ZC3H12B: variants seen among roughly 807,000 people sequenced by gnomAD.
The protein encoded by ZC3H12B is probable ribonuclease ZC3H12B.
In ZC3H12B, 7 loss-of-function variants were observed where a neutral mutation model predicts 43.9. The observed-to-expected ratio is 0.16, with a 90% CI of 0.09 to 0.30. ZC3H12B has a LOEUF of 0.30. ZC3H12B is among the 10% of genes least tolerant of loss of function. The pLI is 1.00. For missense variants in ZC3H12B, 475 were observed against 670.2 expected, an observed-to-expected ratio of 0.71 and a Z score of 3.22; for synonymous variants, 222 against 241.7, an observed-to-expected ratio of 0.92 and a Z score of 0.76.
chrX:65,061,864 T>A, the ZC3H12B span, among the ~76,000 whole-genome samples: 1 of 112,671 alleles, frequency 8.9e-6, no homozygotes, highest in East Asian at 2.8e-4. Context: ...CCATTCTAAC[T>A]GGCATGAGAT....
chrX:65,460,632 G>A (rs1316273694), intron 3 of ZC3H12B, among the ~76,000 whole-genome samples: 3 of 111,978 alleles, frequency 2.7e-5, no homozygotes, highest in Admixed American at 1.9e-4. Context: ...TGAATAAATG[G>A]TGCTGGGAAA....
the ZC3H12B span, among the ~76,000 whole-genome samples, chrX:65,212,532 TATA>T: frequency 2.7e-5 from 2 of 74,614 alleles, no homozygotes; most frequent in Non-Finnish European, 4.6e-5. Context: ...TTATATTACA[TATA>T]ATGTATATTT....
At chrX:65,221,788 C>T in the ZC3H12B span, among the ~76,000 whole-genome samples, 3 of 110,917 alleles carry the variant, frequency 2.7e-5, no homozygotes, top group Non-Finnish European at 5.7e-5. Flanking sequence ...GGTGCAAGTC[C>T]TGTTGACAAT....
chrX:65,342,837 CAAAAAA>C, the ZC3H12B span, among the ~76,000 whole-genome samples: 3 of 55,568 alleles, frequency 5.4e-5, no homozygotes, highest in African/African-American at 1.4e-4. Context: ...GAGACTGAGA[CAAAAAA>C]AAAAAAAAAA....
chrX:65,178,808 TGGTG>T, the ZC3H12B span, among the ~76,000 whole-genome samples: 2 of 111,977 alleles, frequency 1.8e-5, no homozygotes, highest in African/African-American at 6.5e-5. Context: ...TTTACACTGT[TGGTG>T]GGAGTGTAAA....
At chrX:65,387,577 G>T (rs1330270736) in intron 2 of ZC3H12B, among the ~76,000 whole-genome samples, 4 of 112,020 alleles carry the variant, frequency 3.6e-5, no homozygotes, top group African/African-American at 1.3e-4. Context: ...ACACTGACTG[G>T]TCTTGACTCT....
chrX:65,150,434 C>T, the ZC3H12B span, among the ~76,000 whole-genome samples: 2 of 109,718 alleles, frequency 1.8e-5, no homozygotes, highest in Non-Finnish European at 3.8e-5. Flanking sequence ...GTTACATATT[C>T]GTGTGCCATG....
chrX:65,184,916 A>T, the ZC3H12B span: 7 of 111,587 alleles, frequency 6.3e-5, no homozygotes, highest in Non-Finnish European at 1.3e-4. Flanking sequence ...GTACTGAGTG[A>T]TGTTTTCATA....
At chrX:65,423,522 G>T (rs1211371683) in intron 3 of ZC3H12B, among the ~76,000 whole-genome samples, 3 of 112,037 alleles carry the variant, frequency 2.7e-5, no homozygotes, top group Non-Finnish European at 5.6e-5. Flanking sequence ...AGCATCTGTT[G>T]TTTCCAGACT....
At chrX:65,230,278 T>G in the ZC3H12B span, among the ~76,000 whole-genome samples, 1 of 109,913 alleles carries the variant, frequency 9.1e-6, no homozygotes, top group Admixed American at 9.8e-5. Flanking sequence ...AGTAAACTAT[T>G]GCAAGAACGA....
At chrX:65,209,677 G>T in the ZC3H12B span, among the ~76,000 whole-genome samples, 1 of 110,090 alleles carries the variant, frequency 9.1e-6, no homozygotes, top group Non-Finnish European at 1.9e-5. Context: ...TGGAGAGTTC[G>T]CTACAGTAAC....
the ZC3H12B span, among the ~76,000 whole-genome samples, chrX:65,245,203 A>G: frequency 6.3e-5 from 7 of 111,877 alleles, no homozygotes; most frequent in Non-Finnish European, 1.1e-4. Context: ...GGAGAAATTG[A>G]GTCCCTGAAC....
At chrX:65,407,399 C>T (rs2066843742) in intron 3 of ZC3H12B, among the ~76,000 whole-genome samples, 1 of 112,831 alleles carries the variant, frequency 8.9e-6, no homozygotes. Context: ...TCCGGCGCGC[C>T]CTCCGCACTT....
At chrX:65,333,210 G>C in the ZC3H12B span, among the ~76,000 whole-genome samples, 1 of 109,094 alleles carries the variant, frequency 9.2e-6, no homozygotes, top group African/African-American at 3.3e-5. Context: ...TTTACCAAGG[G>C]GCTTTTATTG....
chrX:65,130,744 A>G, the ZC3H12B span, among the ~76,000 whole-genome samples: 1 of 111,873 alleles, frequency 8.9e-6, no homozygotes, highest in Non-Finnish European at 1.9e-5. Context: ...TCCAAGAACC[A>G]TTTGCCTTGT....
At chrX:65,107,112 G>T in the ZC3H12B span, among the ~76,000 whole-genome samples, 172 of 111,305 alleles carry the variant, frequency 1.5e-3, 2 homozygotes, top group African/African-American at 5.5e-3. Flanking sequence ...ATCACCTGGG[G>T]AGTATGTTAA....
the ZC3H12B span, among the ~76,000 whole-genome samples, chrX:65,187,983 A>T: frequency 9.0e-6 from 1 of 111,102 alleles, no homozygotes; most frequent in Non-Finnish European, 1.9e-5. Flanking sequence ...TTTGGTAACC[A>T]TCATTCTACT....
At chrX:65,482,495 T>G (rs1407750415) in intron 3 of ZC3H12B, among the ~76,000 whole-genome samples, 1 of 112,224 alleles carries the variant, frequency 8.9e-6, no homozygotes, top group Non-Finnish European at 1.9e-5. Context: ...ATGTAGCTTC[T>G]CTGCATGAAT....
chrX:65,285,112 T>TATG, the ZC3H12B span, among the ~76,000 whole-genome samples: 1 of 108,959 alleles, frequency 9.2e-6, no homozygotes, highest in African/African-American at 3.3e-5. Flanking sequence ...AGAGAATAAT[T>TATG]ATTATTATTA....
Sources: gnomAD v4.1 joint callset for allele counts (sites outside exome capture counted in the v4.1 genomes callset) on GRCh38, gnomAD v4.1.1 for gene constraint, MANE v1.5 for transcripts, NCBI Gene and HGNC (gene_info 2026-07-23, HGNC 2026-07-21) for gene names.